DNAH9: variants seen among roughly 807,000 people sequenced by gnomAD.
DNAH9 encodes DNAH9 variant protein.
DNAH9 carries 345 observed loss-of-function variants against 471.6 expected under a neutral mutation model. The ratio of observed to expected loss-of-function variants is 0.73; its 90% CI spans 0.67 to 0.80. DNAH9 has a LOEUF of 0.80. Among genes scored for constraint, DNAH9 ranks in the 30% least tolerant of loss-of-function variants. The probability of loss-of-function intolerance (pLI) is 0.00; values close to 1 mark genes in which losing one functional copy is unlikely to be tolerated. For synonymous variants in DNAH9, 2,093 were observed against 2,123.6 expected (o/e 0.99, Z 0.40); for missense variants, 5,407 against 5,609.2 (o/e 0.96, Z 1.15).
At chr17:11,705,284 C>T (rs543753420) in intron 26 of DNAH9, 99 bp downstream of exon 26, 2 of 1,056,866 alleles carry the variant, frequency 1.9e-6, no homozygotes, top group East Asian at 4.9e-5. Context: ...GCTATTTGTC[C>T]ATAGAGCTAC....
intron 68 of DNAH9, among the ~76,000 whole-genome samples, chr17:11,967,889 T>C (rs77911249): frequency 6.6e-6 from 1 of 152,260 alleles, no homozygotes; most frequent in African/African-American, 2.4e-5. Flanking sequence ...AAAAAGGACA[T>C]TTTATGAGAA....
rs575901045 is a variant in DNAH9 at position 11,781,257 on chromosome 17, C to T, written c.7718+83C>T. On this transcript the variant is annotated intron_variant, in intron 39 of 68. Coordinates refer to ENST00000262442, the MANE Select transcript of DNAH9 (RefSeq NM_001372.4). ...AAGGCCAGTCTCTATTCTGCCTGAACGGCAAACCTCAGCATAGCTCTGGTG... is the reference window on the plus strand; with the variant it reads ...AAGGCCAGTCTCTATTCTGCCTGAATGGCAAACCTCAGCATAGCTCTGGTG... The T allele has an allele frequency of 1.9e-4, 277 of 1,428,822 alleles. 3 individuals carry two copies. The South Asian group carries it at 3.0e-3, about 16-fold the overall frequency. 88.5% of individuals were successfully genotyped at this position (1,428,822 alleles called of 1,614,324 possible). A position where few individuals can be genotyped will look rare whatever the true frequency, so the allele number is the denominator to read the frequency against.
chr17:11,949,281 C>T (rs922245671), intron 67 of DNAH9, among the ~76,000 whole-genome samples: 7 of 152,142 alleles, frequency 4.6e-5, no homozygotes, highest in Admixed American at 4.6e-4. Context: ...ATGCCAAAAC[C>T]GAGGAAGCAC....
At chr17:11,945,283 T>G (rs1975071468) in intron 67 of DNAH9, among the ~76,000 whole-genome samples, 1 of 152,174 alleles carries the variant, frequency 6.6e-6, no homozygotes, top group Non-Finnish European at 1.5e-5. Context: ...ATGCCTGTAA[T>G]CCCAGCTCTT....
At chr17:11,616,089 G>C (rs556232740) in intron 4 of DNAH9, among the ~76,000 whole-genome samples, 1 of 152,136 alleles carries the variant, frequency 6.6e-6, no homozygotes, top group Non-Finnish European at 1.5e-5. Flanking sequence ...TGAAGCCAAG[G>C]GTTCAATGTA....
At chr17:11,633,022 C>A (rs1342630044) in intron 8 of DNAH9, among the ~76,000 whole-genome samples, 1 of 152,012 alleles carries the variant, frequency 6.6e-6, no homozygotes, top group Non-Finnish European at 1.5e-5. Context: ...GGCTATTTAA[C>A]CATGGCTGCT....
intron 48 of DNAH9, among the ~76,000 whole-genome samples, chr17:11,827,319 C>T (rs562204671): frequency 1.1e-4 from 17 of 152,136 alleles, no homozygotes; most frequent in Admixed American, 2.0e-4. Context: ...GTTCTGCTGG[C>T]GGTACAGGAA....
At chr17:11,884,108 CT>C (rs1972808130) in intron 56 of DNAH9, among the ~76,000 whole-genome samples, 1 of 152,176 alleles carries the variant, frequency 6.6e-6, no homozygotes, top group Non-Finnish European at 1.5e-5. Flanking sequence ...AGGAATCGCA[CT>C]GCTGGAAAAG....
At chr17:11,880,234 G>A (rs762488510) in intron 54 of DNAH9, 34 bp downstream of exon 54, 35 of 1,608,076 alleles carry the variant, frequency 2.2e-5, no homozygotes, top group Non-Finnish European at 3.4e-6. Flanking sequence ...CCCTTCGGGG[G>A]GAGCTGGTTC....
intron 38 of DNAH9, among the ~76,000 whole-genome samples, chr17:11,773,859 G>GA (rs1038730894): frequency 1.1e-4 from 16 of 152,224 alleles, no homozygotes; most frequent in Admixed American, 3.9e-4. Flanking sequence ...GTGGGGCGTG[G>GA]AGGCTCATGC....
intron 67 of DNAH9, among the ~76,000 whole-genome samples, chr17:11,952,309 CTT>C (rs753276964): frequency 1.8e-4 from 13 of 71,078 alleles, no homozygotes; most frequent in African/African-American, 6.2e-4. Flanking sequence ...CCAGCTAATT[CTT>C]TTTTTTTTTT....
chr17:11,812,374 A>G (rs1236575818), intron 45 of DNAH9, among the ~76,000 whole-genome samples: 4 of 151,496 alleles, frequency 2.6e-5, no homozygotes, highest in Non-Finnish European at 5.9e-5. Flanking sequence ...ACCTTTCTCC[A>G]TAGTCTATCT....
chr17:11,641,732 C>T (rs2073277130), intron 10 of DNAH9, among the ~76,000 whole-genome samples: 1 of 151,800 alleles, frequency 6.6e-6, no homozygotes, highest in African/African-American at 2.4e-5. Context: ...CCAGGGCTGC[C>T]CCTAGAATGT....
At position 11,679,266 on chromosome 17, in the gene DNAH9, A is replaced by T. The variant is rs138708312; in HGVS notation, c.3354-491A>T. Among the ~76,000 whole-genome samples, 9 of 152,356 alleles carry T rather than the reference A, an allele frequency of 5.9e-5. No homozygotes were observed. In the East Asian group the frequency reaches 1.7e-3, roughly 29 times the overall value. ...CTTTCTCCTGGAATTCTCCATCAACATATGATCATTTATGCATTGCCAGCA... is the reference window on the plus strand; with the variant it reads ...CTTTCTCCTGGAATTCTCCATCAACTTATGATCATTTATGCATTGCCAGCA... On this transcript the variant is annotated intron_variant, in intron 17 of 68. Coordinates refer to ENST00000262442, the MANE Select transcript of DNAH9 (RefSeq NM_001372.4).
chr17:11,962,014 C>A lies in DNAH9; in HGVS notation c.12991C>A (p.Leu4331Ile). The A allele has an allele frequency of 6.2e-7, 1 of 1,614,174 alleles. No individual in the cohort carries two copies. The highest frequency in any genetic ancestry group is 1.1e-5 in the South Asian group (1 of 91,088). Residue 4331 changes from leucine to isoleucine, a missense_variant, in exon 68 of 69, where the codon CTA becomes ATA. By Grantham distance (5) the Leu-to-Ile change is conservative. Around this residue, in one of 3 missense-constraint regions of DNAH9, gnomAD observed 4,636 missense variants for 4,900.3 expected, o/e 0.95. Transcript: ENST00000262442. This position sits in a 1 kb window ranked among gnomAD's most constrained non-coding sequence, Gnocchi z 4.1. ...FPDLLNRIKE[L>I]EAWTGDFTMP... ...AGACCTCCTCAACAGAATCAAGGAG[C>A]TAGAGGCTTGGACGGGTGACTTTAC...
intron 57 of DNAH9, among the ~76,000 whole-genome samples, chr17:11,889,419 G>C (rs1236494042): frequency 5.3e-5 from 8 of 152,202 alleles, no homozygotes; most frequent in Non-Finnish European, 8.8e-5. Context: ...TCTCATGAAG[G>C]TTTGGAAGAT....
At chr17:11,643,588 T>A (rs1438233799) in intron 10 of DNAH9, among the ~76,000 whole-genome samples, 1 of 152,226 alleles carries the variant, frequency 6.6e-6, no homozygotes, top group Non-Finnish European at 1.5e-5. Context: ...ATAGAGTGTA[T>A]TTACACAAAC....
chr17:11,893,579 G>A (rs1452447878), intron 58 of DNAH9, among the ~76,000 whole-genome samples: 1 of 152,134 alleles, frequency 6.6e-6, no homozygotes, highest in Non-Finnish European at 1.5e-5. Flanking sequence ...CATAGATGAA[G>A]CTGGAAACCA....
At chr17:11,783,997 G>A (rs947457094) in intron 40 of DNAH9, among the ~76,000 whole-genome samples, 2 of 152,088 alleles carry the variant, frequency 1.3e-5, no homozygotes, top group African/African-American at 4.8e-5. Context: ...TCAGAGAGAT[G>A]AATGACTTTC....
Sources: allele counts gnomAD v4.1 joint callset (sites outside exome capture counted in the v4.1 genomes callset), GRCh38; gene constraint gnomAD v4.1.1; regional missense constraint gnomAD v4.1.1; non-coding constraint Gnocchi (gnomAD v3.1); transcripts MANE v1.5; gene names NCBI Gene and HGNC (gene_info 2026-07-23, HGNC 2026-07-21).